Variants in FUBP1 observed in about 807,000 individuals in gnomAD.
The protein encoded by FUBP1 is far upstream element-binding protein 1.
Under a neutral mutation model 94.9 loss-of-function variants are expected in FUBP1, and 16 were observed. That is an observed-to-expected ratio of 0.17 (90% CI 0.11 to 0.26). The LOEUF is 0.26. FUBP1 is among the 10% of genes least tolerant of loss of function. The pLI is 1.00. For synonymous variants in FUBP1, 279 were observed against 254.9 expected, an observed-to-expected ratio of 1.09 and a Z score of -0.90; for missense variants, 583 against 808.6, an observed-to-expected ratio of 0.72 and a Z score of 3.38.
At chr1:77,977,503 G>A (rs1658880991) in intron 1 of FUBP1, among the ~76,000 whole-genome samples, 1 of 152,190 alleles carries the variant, frequency 6.6e-6, no homozygotes, top group Non-Finnish European at 1.5e-5. Flanking sequence ...TCCAGTCTGG[G>A]CGACAGAGGG....
Position 77,945,810 on chromosome 1 carries a change from T to G in FUBP1, c.*2956A>C, listed in dbSNP as rs953911949. On this transcript the variant is annotated 3_prime_UTR_variant, in exon 20 of 20. Transcript: ENST00000370768. ...AAAATATGTACCAGTTAAAATCATCTATAAAAACACACAAACATTTTAAAC... is the reference window on the plus strand; with the variant it reads ...AAAATATGTACCAGTTAAAATCATCGATAAAAACACACAAACATTTTAAAC... The G allele has an allele frequency of 7.0e-5, 15 of 213,012 alleles. 1 individual carries two copies. The Admixed American group carries it at 7.6e-4, about 11-fold the overall frequency. 13.2% of individuals were successfully genotyped at this position (213,012 alleles called of 1,614,324 possible). A position where few individuals can be genotyped will look rare whatever the true frequency, so the allele number is the denominator to read the frequency against.
intron 1 of FUBP1, among the ~76,000 whole-genome samples, chr1:77,972,056 C>G (rs986558601): frequency 6.6e-6 from 1 of 150,552 alleles, no homozygotes; most frequent in Non-Finnish European, 1.5e-5. Context: ...ATCTAACCTT[C>G]TTTAACCATC....
At chr1:77,952,040 A>T (rs973494270) in intron 18 of FUBP1, among the ~76,000 whole-genome samples, 5 of 152,108 alleles carry the variant, frequency 3.3e-5, no homozygotes, top group African/African-American at 1.2e-4. Context: ...TAAGGGTCTT[A>T]AAAAAATCCC....
chr1:77,971,477 C>G (rs1172174802), intron 1 of FUBP1, among the ~76,000 whole-genome samples: 1 of 151,928 alleles, frequency 6.6e-6, no homozygotes, highest in Non-Finnish European at 1.5e-5. Flanking sequence ...TCACTTAAGT[C>G]TATGTATCAG....
Position 77,966,871 on chromosome 1 carries a change from A to G in FUBP1, c.415+13T>C. On this transcript the variant is annotated intron_variant, in intron 6 of 19. Transcript: ENST00000370768. ...CTAGTCACACTGAAAATACCATGAG[A>G]ATGTAACATTACCAGGAGCTATCTG... 6.5e-7 allele frequency: 1 copy of G among 1,527,066 alleles called. No individual in the cohort carries two copies. The highest frequency in any genetic ancestry group is 1.4e-5 in the African/African-American group (1 of 73,236). The allele number at this position is 1,527,066 out of a possible 1,614,324, so 94.6% of individuals were successfully genotyped here.
At chr1:77,966,293 G>T (rs1656478434) in intron 7 of FUBP1, among the ~76,000 whole-genome samples, 1 of 152,170 alleles carries the variant, frequency 6.6e-6, no homozygotes, top group Admixed American at 6.5e-5. Flanking sequence ...AGATTTGGAG[G>T]TGGGGAAATA....
At chr1:77,979,155 C>G, upstream of FUBP1, 1 of 765,294 alleles carries the variant, frequency 1.3e-6, no homozygotes, top group Non-Finnish European at 2.0e-6. Flanking sequence ...AACAAAATCT[C>G]GCGATGTTTC....
intron 18 of FUBP1, among the ~76,000 whole-genome samples, chr1:77,954,115 C>T (rs994416016): frequency 6.6e-6 from 1 of 152,122 alleles, no homozygotes; most frequent in African/African-American, 2.4e-5. Context: ...TGTGTGCCAC[C>T]GCACGTGGCT....
chr1:77,964,839 C>CT (rs771192081), intron 9 of FUBP1, 31 bp downstream of exon 9: 1 of 1,521,184 alleles, frequency 6.6e-7, no homozygotes, highest in Non-Finnish European at 9.1e-7. Context: ...TCAACCCACT[C>CT]TTTCTTTATA....
At chr1:77,959,075 A>G (rs1264273293) in intron 16 of FUBP1, among the ~76,000 whole-genome samples, 1 of 152,224 alleles carries the variant, frequency 6.6e-6, no homozygotes, top group Non-Finnish European at 1.5e-5. Context: ...TCCAAACAGC[A>G]CACTTCCTAT....
At chr1:77,979,332 T>C, upstream of FUBP1, 1 of 296,458 alleles carries the variant, frequency 3.4e-6, no homozygotes. Flanking sequence ...TGGTGGGTGA[T>C]AGTGGCCAGT....
intron 1 of FUBP1, among the ~76,000 whole-genome samples, chr1:77,975,693 T>G (rs931828245): frequency 6.6e-6 from 1 of 152,214 alleles, no homozygotes; most frequent in Non-Finnish European, 1.5e-5. Context: ...AAGTTGCTAT[T>G]AGTACCACTG....
chr1:77,963,885 T>C (rs1291415446), intron 12 of FUBP1, among the ~76,000 whole-genome samples, 170 bp from the exon 13 acceptor site: 3 of 152,202 alleles, frequency 2.0e-5, no homozygotes, highest in African/African-American at 7.2e-5. Context: ...GTAAATAAGG[T>C]AGCACTTAAG....
Position 77,947,680 on chromosome 1 carries a change from T to A in FUBP1, c.*1086A>T. 1.6e-6 allele frequency: 1 copy of A among 620,516 alleles called. No homozygotes were observed. The highest frequency in any genetic ancestry group is 4.2e-5 in the East Asian group (1 of 23,892). The allele number at this position is 620,516 out of a possible 1,614,324, so 38.4% of individuals were successfully genotyped here. On this transcript the variant is annotated 3_prime_UTR_variant, in exon 20 of 20. Coordinates refer to ENST00000370768, the MANE Select transcript of FUBP1 (RefSeq NM_003902.5). ...CAAAATATCAGAACTTCAGCATGAG[T>A]GTTAAAGAGTAATAAAATGACTTCA...
At chr1:77,975,904 A>T (rs114466354) in intron 1 of FUBP1, among the ~76,000 whole-genome samples, 2,950 of 152,356 alleles carry the variant, frequency 0.019, 36 homozygotes, top group Non-Finnish European at 0.03. Flanking sequence ...TGGCAACTAA[A>T]TGACCAGATG....
At chr1:77,962,103 T>C (rs1396680540) in intron 14 of FUBP1, among the ~76,000 whole-genome samples, 2 of 152,224 alleles carry the variant, frequency 1.3e-5, no homozygotes, top group African/African-American at 4.8e-5. Context: ...AGACACTGTC[T>C]GCCTCACTTA....
In FUBP1 at chr1:77,948,604, G is replaced by C; in HGVS notation, c.*162C>G. On this transcript the variant is annotated 3_prime_UTR_variant, in exon 20 of 20. Transcript: ENST00000370768. ...GAAATATTAACCTCCTATCAGTAGT[G>C]ATAGATATTTTGTACATTTTCAAAA... 2 of 1,012,764 alleles carry C rather than the reference G, an allele frequency of 2.0e-6. No homozygotes were observed. The highest frequency in any genetic ancestry group is 2.7e-6 in the Non-Finnish European group (2 of 740,882). The allele number at this position is 1,012,764 out of a possible 1,614,324, so 62.7% of individuals were successfully genotyped here.
intron 1 of FUBP1, among the ~76,000 whole-genome samples, chr1:77,976,252 A>C (rs1487836287): frequency 6.6e-6 from 1 of 152,238 alleles, no homozygotes; most frequent in Non-Finnish European, 1.5e-5. Flanking sequence ...TATTCCACTT[A>C]TATCATCAGA....
intron 18 of FUBP1, among the ~76,000 whole-genome samples, chr1:77,954,708 T>C (rs997742005): frequency 6.6e-6 from 1 of 152,192 alleles, no homozygotes; most frequent in Non-Finnish European, 1.5e-5. Flanking sequence ...CTGTGGTATG[T>C]AATAATTTTA....
Sources: allele counts gnomAD v4.1 joint callset (sites outside exome capture counted in the v4.1 genomes callset), GRCh38; gene constraint gnomAD v4.1.1; transcripts MANE v1.5; gene names NCBI Gene and HGNC (gene_info 2026-07-23, HGNC 2026-07-21).